Variants in ADGRL2 observed in about 807,000 individuals in gnomAD.
ADGRL2 encodes adhesion G protein-coupled receptor L2.
In ADGRL2, 44 loss-of-function variants were observed where a neutral mutation model predicts 157.4. The observed-to-expected ratio is 0.28, with a 90% CI of 0.22 to 0.36. ADGRL2 has a LOEUF of 0.36. Among genes scored for constraint, ADGRL2 ranks in the 10% least tolerant of loss-of-function variants. The probability of loss-of-function intolerance (pLI) is 1.00; values close to 1 mark genes in which losing one functional copy is unlikely to be tolerated. For synonymous variants in ADGRL2, 585 were observed against 624.7 expected, an observed-to-expected ratio of 0.94 and a Z score of 0.95; for missense variants, 1,510 against 1,768.9, an observed-to-expected ratio of 0.85 and a Z score of 2.63.
chr1:81,502,172 G>A, intron 2 of ADGRL2: 2 of 1,592,600 alleles, frequency 1.3e-6, no homozygotes, highest in South Asian at 2.3e-5. Flanking sequence ...AGCTCGCCAA[G>A]ATCCCAGAGT....
intron 2 of ADGRL2, among the ~76,000 whole-genome samples, chr1:81,565,493 G>A (rs2080538108): frequency 6.6e-6 from 1 of 152,188 alleles, no homozygotes; most frequent in Admixed American, 6.6e-5. Flanking sequence ...AGGCAGTTTT[G>A]TTTCAAAGAG....
At chr1:81,524,682 A>T (rs745507422) in intron 2 of ADGRL2, among the ~76,000 whole-genome samples, 1 of 152,188 alleles carries the variant, frequency 6.6e-6, no homozygotes, top group African/African-American at 2.4e-5. Context: ...AACAACAACA[A>T]CCAAAAAAAC....
chr1:81,371,107 G>A (rs2076153353), intron 1 of ADGRL2, among the ~76,000 whole-genome samples: 1 of 152,144 alleles, frequency 6.6e-6, no homozygotes, highest in Non-Finnish European at 1.5e-5. Flanking sequence ...ATTAATAGTG[G>A]CTTTCAGTGG....
At chr1:81,527,058 A>C (rs2079475770) in intron 2 of ADGRL2, among the ~76,000 whole-genome samples, 1 of 152,260 alleles carries the variant, frequency 6.6e-6, no homozygotes, top group South Asian at 2.1e-4. Flanking sequence ...AATTTGCAAA[A>C]GCAAAATATA....
At chr1:81,937,676 AG>A (rs1159739707) in intron 4 of ADGRL2, among the ~76,000 whole-genome samples, 1 of 151,810 alleles carries the variant, frequency 6.6e-6, no homozygotes, top group East Asian at 1.9e-4. Flanking sequence ...GATGTCATTT[AG>A]TCATGTTAGT....
At chr1:81,799,838 T>G (rs952825356), upstream of ADGRL2, among the ~76,000 whole-genome samples, 10 of 152,180 alleles carry the variant, frequency 6.6e-5, no homozygotes, top group Admixed American at 5.2e-4. Flanking sequence ...AATCAGTGGT[T>G]TACAAATACA....
chr1:81,485,554 T>A (rs989416934), intron 2 of ADGRL2, among the ~76,000 whole-genome samples: 1 of 152,180 alleles, frequency 6.6e-6, no homozygotes, highest in African/African-American at 2.4e-5. Context: ...CTTGGTTTAA[T>A]ATACAATACT....
chr1:81,725,519 A>G (rs1181870892), intron 1 of ADGRL2, among the ~76,000 whole-genome samples: 2 of 151,986 alleles, frequency 1.3e-5, no homozygotes, highest in Non-Finnish European at 2.9e-5. Context: ...AGCCTGGGTG[A>G]CACTGTGAGA....
intron 3 of ADGRL2, among the ~76,000 whole-genome samples, chr1:81,908,397 A>C (rs1484299654): frequency 6.6e-6 from 1 of 152,142 alleles, no homozygotes; most frequent in Non-Finnish European, 1.5e-5. Context: ...ATATGCTTTT[A>C]CATTTCCTCC....
intron 1 of ADGRL2, among the ~76,000 whole-genome samples, chr1:81,416,278 T>A (rs1157495415): frequency 6.7e-6 from 1 of 148,778 alleles, no homozygotes; most frequent in African/African-American, 2.5e-5. Context: ...TTTTTAAATA[T>A]AGAAACTGTA....
intron 2 of ADGRL2, among the ~76,000 whole-genome samples, chr1:81,877,744 G>C (rs1158192256): frequency 6.6e-6 from 1 of 151,962 alleles, no homozygotes; most frequent in African/African-American, 2.4e-5. Flanking sequence ...GGGAAGGCAA[G>C]TTAGACGTAG....
At chr1:81,876,423 T>G (rs1000021035) in intron 2 of ADGRL2, among the ~76,000 whole-genome samples, 8 of 152,168 alleles carry the variant, frequency 5.3e-5, no homozygotes, top group African/African-American at 1.9e-4. Context: ...TATAAACCTC[T>G]TAATAATACT....
intron 2 of ADGRL2, among the ~76,000 whole-genome samples, chr1:81,450,105 G>C (rs955510143): frequency 1.3e-5 from 2 of 152,258 alleles, no homozygotes; most frequent in Non-Finnish European, 2.9e-5. Context: ...GAGAAAGCTG[G>C]TGCCAGTGAC....
chr1:81,686,126 G>T (rs1161221399), intron 3 of ADGRL2, among the ~76,000 whole-genome samples: 1 of 152,050 alleles, frequency 6.6e-6, no homozygotes, highest in Non-Finnish European at 1.5e-5. Context: ...TCCTGGTTTT[G>T]GTATTAGGGT....
At chr1:81,848,590 C>T (rs79773430) in intron 2 of ADGRL2, among the ~76,000 whole-genome samples, 7,246 of 151,848 alleles carry the variant, frequency 0.048, 508 homozygotes, top group African/African-American at 0.15. Context: ...AATTATCAAA[C>T]GAGCTAATTA....
chr1:81,747,209 GTA>G (rs1408820339), intron 1 of ADGRL2, among the ~76,000 whole-genome samples: 3 of 145,726 alleles, frequency 2.1e-5, no homozygotes, highest in Non-Finnish European at 4.5e-5. Context: ...GTATATATAT[GTA>G]TGTGTGTATA....
chr1:81,474,009 T>C (rs1249035896), intron 2 of ADGRL2, among the ~76,000 whole-genome samples: 1 of 152,116 alleles, frequency 6.6e-6, no homozygotes, highest in Non-Finnish European at 1.5e-5. Flanking sequence ...AAGCAGAAGT[T>C]AATGAGGAGA....
chr1:81,733,209 T>C (rs938686471), intron 1 of ADGRL2, among the ~76,000 whole-genome samples: 1 of 152,238 alleles, frequency 6.6e-6, no homozygotes, highest in African/African-American at 2.4e-5. Context: ...TCAGCTTCAA[T>C]GTATAAGCTG....
intron 2 of ADGRL2, among the ~76,000 whole-genome samples, chr1:81,888,894 T>C (rs536158894): frequency 8.5e-5 from 13 of 152,346 alleles, no homozygotes; most frequent in African/African-American, 3.1e-4. Context: ...TTTTCTATTA[T>C]ATCTGTTATG....
Sources: gnomAD v4.1 joint callset for allele counts (sites outside exome capture counted in the v4.1 genomes callset) on GRCh38, gnomAD v4.1.1 for gene constraint, MANE v1.5 for transcripts, NCBI Gene and HGNC (gene_info 2026-07-23, HGNC 2026-07-21) for gene names.